The following TENM2 variants were observed in gnomAD, a reference collection of about 807,000 sequenced individuals.
TENM2 encodes teneurin-2.
Under a neutral mutation model 245.2 loss-of-function variants are expected in TENM2, and 52 were observed. That is an observed-to-expected ratio of 0.21 (90% CI 0.17 to 0.27). The LOEUF is 0.27. TENM2 is among the 10% of genes least tolerant of loss of function. TENM2 has a pLI of 1.00. For missense variants in TENM2, 3,046 were observed against 3,666.8 expected (o/e 0.83, Z 4.37); for synonymous variants, 1,363 against 1,438.9 (o/e 0.95, Z 1.19).
intron 3 of TENM2, among the ~76,000 whole-genome samples, chr5:167,951,232 G>A (rs958289152): frequency 1.3e-5 from 2 of 152,196 alleles, no homozygotes; most frequent in Non-Finnish European, 2.9e-5. Flanking sequence ...CAAATTGCTT[G>A]TTTAAATGAC....
At chr5:167,472,841 G>A (rs1767122621) in intron 2 of TENM2, among the ~76,000 whole-genome samples, 1 of 152,178 alleles carries the variant, frequency 6.6e-6, no homozygotes, top group Admixed American at 6.5e-5. Context: ...CATTCCACAT[G>A]GACTCATACA....
the TENM2 span, among the ~76,000 whole-genome samples, chr5:167,089,271 T>A: frequency 6.6e-6 from 1 of 152,210 alleles, no homozygotes; most frequent in Non-Finnish European, 1.5e-5. Flanking sequence ...GTTTTTTGCA[T>A]GATATGGGTT....
intron 2 of TENM2, among the ~76,000 whole-genome samples, chr5:167,860,676 CTT>C (rs1771707520): frequency 2.4e-5 from 1 of 41,136 alleles, no homozygotes; most frequent in African/African-American, 1.2e-4. Context: ...ACATGGGAGA[CTT>C]TTCATTTTGT....
intron 2 of TENM2, among the ~76,000 whole-genome samples, chr5:167,663,751 A>G (rs1036917501): frequency 2.0e-5 from 3 of 152,076 alleles, no homozygotes; most frequent in African/African-American, 7.2e-5. Flanking sequence ...TTATGGATAA[A>G]TTATATCTTT....
At chr5:167,121,821 G>T in the TENM2 span, among the ~76,000 whole-genome samples, 1 of 152,160 alleles carries the variant, frequency 6.6e-6, no homozygotes, top group Non-Finnish European at 1.5e-5. Flanking sequence ...ATAGAAACCT[G>T]GAATAAGTGT....
At chr5:167,872,516 G>T (rs1275060309) in intron 2 of TENM2, among the ~76,000 whole-genome samples, 1 of 49,650 alleles carries the variant, frequency 2.0e-5, no homozygotes, top group African/African-American at 5.5e-5. Flanking sequence ...AAGAAAGAAA[G>T]AAAGAAAGAA....
intron 1 of TENM2, among the ~76,000 whole-genome samples, chr5:167,297,056 C>A (rs1754985397): frequency 6.6e-6 from 1 of 152,070 alleles, no homozygotes; most frequent in Non-Finnish European, 1.5e-5. Context: ...TTTTTAAAAC[C>A]AAATCTTTAT....
chr5:167,816,681 GA>G (rs373223167), intron 2 of TENM2, among the ~76,000 whole-genome samples: 6 of 150,962 alleles, frequency 4.0e-5, no homozygotes, highest in African/African-American at 7.3e-5. Context: ...CTTCCATATG[GA>G]AAAAAAAATC....
At chr5:167,299,489 A>AG (rs1278013523) in intron 1 of TENM2, among the ~76,000 whole-genome samples, 2 of 151,930 alleles carry the variant, frequency 1.3e-5, no homozygotes, top group African/African-American at 4.8e-5. Flanking sequence ...TAGGGAAGGG[A>AG]GGGGGCCTGA....
intron 2 of TENM2, among the ~76,000 whole-genome samples, chr5:167,844,607 AG>A (rs930316562): frequency 1.8e-4 from 28 of 152,308 alleles, no homozygotes; most frequent in African/African-American, 6.7e-4. Context: ...GGGGGACAAA[AG>A]GGGAAGTGGT....
At chr5:168,022,991 G>A (rs143818308) in intron 5 of TENM2, among the ~76,000 whole-genome samples, 11 of 152,248 alleles carry the variant, frequency 7.2e-5, no homozygotes, top group East Asian at 5.8e-4. Context: ...CTCCCCTGTC[G>A]TTCTCTAAGC....
At chr5:167,385,854 A>ATGTG (rs1201413273) in intron 2 of TENM2, among the ~76,000 whole-genome samples, 111 of 130,186 alleles carry the variant, frequency 8.5e-4, no homozygotes, top group East Asian at 3.8e-3. Context: ...CATTATATAT[A>ATGTG]TATGTGTGTG....
chr5:167,425,552 T>C (rs1763762172), intron 2 of TENM2, among the ~76,000 whole-genome samples: 1 of 152,214 alleles, frequency 6.6e-6, no homozygotes, highest in Non-Finnish European at 1.5e-5. Context: ...TGATATGCAT[T>C]CTTGTATTTT....
intron 2 of TENM2, among the ~76,000 whole-genome samples, chr5:167,515,622 T>TATATGCATATATATGTATATATATACAC (rs1770284865): frequency 4.8e-5 from 3 of 62,860 alleles, no homozygotes; most frequent in African/African-American, 1.5e-4. Context: ...TATATATACA[T>TATATGCATATATATGTATATATATACAC]ATATATACAT....
At chr5:167,941,082 A>G (rs973365218) in intron 3 of TENM2, among the ~76,000 whole-genome samples, 1 of 152,216 alleles carries the variant, frequency 6.6e-6, no homozygotes, top group Non-Finnish European at 1.5e-5. Context: ...CTGAGAAACA[A>G]ATTGCTAATT....
At chr5:167,504,510 A>G (rs1413729519) in intron 2 of TENM2, among the ~76,000 whole-genome samples, 1 of 152,180 alleles carries the variant, frequency 6.6e-6, no homozygotes, top group East Asian at 1.9e-4. Context: ...CACAATGTTG[A>G]TTTTCTGTTT....
chr5:168,040,593 G>A lies in TENM2; in HGVS notation c.1187-6834G>A, dbSNP rs541041344. On this transcript the variant is annotated intron_variant, in intron 5 of 28. Transcript: ENST00000518659. The stretch of plus-strand genomic sequence containing the variant: ...AGAAATCACTTCACCAAGGTGGTTA[G>A]AAAAGGATTTTTGGTAACCCTTTAA... Among the ~76,000 whole-genome samples the A allele has an allele frequency of 3.3e-5, 5 of 152,202 alleles. No homozygotes were observed. In the South Asian group the frequency reaches 1.0e-3, roughly 32 times the overall value.
At chr5:167,155,457 A>G in the TENM2 span, among the ~76,000 whole-genome samples, 3 of 152,206 alleles carry the variant, frequency 2.0e-5, no homozygotes, top group Non-Finnish European at 4.4e-5. Context: ...CAAGAAGGGG[A>G]GGTCACAGTT....
the TENM2 span, among the ~76,000 whole-genome samples, chr5:167,246,846 T>A: frequency 6.6e-6 from 1 of 151,838 alleles, no homozygotes; most frequent in East Asian, 1.9e-4. Flanking sequence ...AATGTGGTGC[T>A]TCATGTTCCC....
Sources: gnomAD v4.1 joint callset for allele counts (sites outside exome capture counted in the v4.1 genomes callset) on GRCh38, gnomAD v4.1.1 for gene constraint, MANE v1.5 for transcripts, NCBI Gene and HGNC (gene_info 2026-07-23, HGNC 2026-07-21) for gene names.